Variants in RGS6 observed in about 807,000 individuals in gnomAD.
The protein encoded by RGS6 is regulator of G-protein signaling 6.
A neutral mutation model predicts 78.5 loss-of-function variants in RGS6; 30 were observed. The ratio of observed to expected loss-of-function variants is 0.38; its 90% CI spans 0.29 to 0.52. The LOEUF is 0.52. Ranked by LOEUF, RGS6 falls within the 20% of genes least tolerant of loss-of-function variation. The probability of loss-of-function intolerance (pLI) is 0.85; values close to 1 mark genes in which losing one functional copy is unlikely to be tolerated. For synonymous variants in RGS6, 206 were observed against 206.0 expected, an observed-to-expected ratio of 1.00 and a Z score of 0.00; for missense variants, 495 against 609.7, an observed-to-expected ratio of 0.81 and a Z score of 1.98.
intron 2 of RGS6, among the ~76,000 whole-genome samples, chr14:72,067,418 A>G (rs2094203812): frequency 6.6e-6 from 1 of 152,224 alleles, no homozygotes; most frequent in African/African-American, 2.4e-5. Context: ...GCCCTGGCAC[A>G]TGTATACCTA....
the RGS6 span, among the ~76,000 whole-genome samples, chr14:71,921,225 A>G: frequency 6.6e-6 from 1 of 152,256 alleles, no homozygotes; most frequent in African/African-American, 2.4e-5. Flanking sequence ...GGTGTGAAGA[A>G]AGGGAATTCT....
At chr14:72,389,110 C>T (rs1168802065) in intron 3 of RGS6, among the ~76,000 whole-genome samples, 1 of 152,192 alleles carries the variant, frequency 6.6e-6, no homozygotes, top group Non-Finnish European at 1.5e-5. Context: ...ATTTCTGCTC[C>T]TGCATCATGC....
intron 3 of RGS6, among the ~76,000 whole-genome samples, chr14:72,416,363 C>T (rs914666926): frequency 1.3e-5 from 2 of 151,990 alleles, no homozygotes; most frequent in Non-Finnish European, 2.9e-5. Flanking sequence ...TCTTCTTGTC[C>T]CCTGCTTTCA....
At chr14:72,275,007 C>G (rs1595141525) in intron 2 of RGS6, among the ~76,000 whole-genome samples, 1 of 152,140 alleles carries the variant, frequency 6.6e-6, no homozygotes, top group African/African-American at 2.4e-5. Context: ...AAACACTTAC[C>G]TCCACCCACC....
chr14:71,967,701 CT>C (rs1426353665), intron 2 of RGS6, among the ~76,000 whole-genome samples: 1 of 151,958 alleles, frequency 6.6e-6, no homozygotes, highest in Non-Finnish European at 1.5e-5. Context: ...GAAATTTTTG[CT>C]TGGACTGCAT....
intron 1 of RGS6, among the ~76,000 whole-genome samples, chr14:71,949,579 C>A (rs1415653508): frequency 6.6e-6 from 1 of 151,880 alleles, no homozygotes; most frequent in East Asian, 1.9e-4. Flanking sequence ...ATACTTTTGC[C>A]TGTCATATGT....
At chr14:72,026,568 C>CT (rs2089902051) in intron 2 of RGS6, among the ~76,000 whole-genome samples, 1 of 152,208 alleles carries the variant, frequency 6.6e-6, no homozygotes, top group African/African-American at 2.4e-5. Flanking sequence ...AAACATCTCT[C>CT]TGAGTGCCAG....
chr14:72,056,368 C>T (rs1490252845), intron 2 of RGS6, among the ~76,000 whole-genome samples: 2 of 152,170 alleles, frequency 1.3e-5, no homozygotes, highest in Non-Finnish European at 2.9e-5. Context: ...TACATTCTTT[C>T]TTAATCTGCC....
chr14:72,008,746 C>T (rs1324066180), intron 2 of RGS6, among the ~76,000 whole-genome samples: 1 of 152,136 alleles, frequency 6.6e-6, no homozygotes, highest in Non-Finnish European at 1.5e-5. Flanking sequence ...CCATGTGACC[C>T]TCTAGTTCCA....
chr14:71,871,503 T>C, the RGS6 span, among the ~76,000 whole-genome samples: 2 of 152,274 alleles, frequency 1.3e-5, no homozygotes, highest in African/African-American at 2.4e-5. Context: ...TTTGATCTGA[T>C]TTTTTTCCCT....
chr14:72,371,096 C>G (rs2083425266), intron 3 of RGS6, among the ~76,000 whole-genome samples: 1 of 152,160 alleles, frequency 6.6e-6, no homozygotes, highest in South Asian at 2.1e-4. Flanking sequence ...AATGACAGTG[C>G]TTAATTAAAT....
chr14:72,315,764 C>G (rs2069981987), intron 2 of RGS6, among the ~76,000 whole-genome samples: 1 of 152,168 alleles, frequency 6.6e-6, no homozygotes, highest in African/African-American at 2.4e-5. Flanking sequence ...AGCCAAGACC[C>G]TTAGAGGTTG....
the RGS6 span, among the ~76,000 whole-genome samples, chr14:72,602,005 C>A: frequency 6.6e-6 from 1 of 152,224 alleles, no homozygotes; most frequent in Non-Finnish European, 1.5e-5. Context: ...ACTTCATAAT[C>A]CGAGATGATA....
intron 3 of RGS6, among the ~76,000 whole-genome samples, chr14:72,374,882 A>AGAG (rs1360423295): frequency 6.6e-6 from 1 of 152,240 alleles, no homozygotes; most frequent in African/African-American, 2.4e-5. Context: ...GTTGAAGAAA[A>AGAG]GAGGATTAAG....
intron 3 of RGS6, among the ~76,000 whole-genome samples, chr14:72,355,192 C>T (rs903153359): frequency 6.7e-6 from 1 of 149,562 alleles, no homozygotes; most frequent in African/African-American, 2.4e-5. Flanking sequence ...AAAATTTCCT[C>T]TGGTTCTTTT....
intron 12 of RGS6, among the ~76,000 whole-genome samples, chr14:72,487,370 G>A (rs555864891): frequency 2.6e-5 from 4 of 152,292 alleles, no homozygotes; most frequent in African/African-American, 4.8e-5. Flanking sequence ...CCTGTGGTAG[G>A]CAGAATAATG....
chr14:72,288,197 G>T (rs530710989), intron 2 of RGS6, among the ~76,000 whole-genome samples: 2 of 152,274 alleles, frequency 1.3e-5, no homozygotes, highest in East Asian at 3.9e-4. Flanking sequence ...GGTAGAATTT[G>T]CCAGTGAATC....
the RGS6 span, among the ~76,000 whole-genome samples, chr14:72,600,253 G>A: frequency 6.6e-6 from 1 of 152,036 alleles, no homozygotes; most frequent in Non-Finnish European, 1.5e-5. Flanking sequence ...TCCTGGCCAG[G>A]CACTGGCCTC....
intron 3 of RGS6, among the ~76,000 whole-genome samples, chr14:72,389,202 G>A (rs891630763): frequency 1.3e-5 from 2 of 152,110 alleles, no homozygotes; most frequent in Non-Finnish European, 2.9e-5. Flanking sequence ...GAAGTGGAGC[G>A]GTGCTAATTG....
Sources: gnomAD v4.1 joint callset for allele counts (sites outside exome capture counted in the v4.1 genomes callset) on GRCh38, gnomAD v4.1.1 for gene constraint, MANE v1.5 for transcripts, NCBI Gene and HGNC (gene_info 2026-07-23, HGNC 2026-07-21) for gene names.